Variants in CNKSR2 observed in about 807,000 individuals in gnomAD.
CNKSR2 encodes the protein CNK homolog protein 2.
In CNKSR2, 14 loss-of-function variants were observed where a neutral mutation model predicts 84.4. The observed-to-expected ratio is 0.17, with a 90% confidence interval of 0.11 to 0.26. CNKSR2 has a LOEUF of 0.26. Ranked by LOEUF, CNKSR2 falls within the 10% of genes least tolerant of loss-of-function variation. The pLI, the probability that CNKSR2 is intolerant of heterozygous loss-of-function variation, is 1.00. For synonymous variants in CNKSR2, 275 were observed against 277.9 expected (o/e 0.99, Z 0.10); for missense variants, 485 against 771.2 (o/e 0.63, Z 4.40).
intron 20 of CNKSR2, among the ~76,000 whole-genome samples, chrX:21,638,896 C>T (rs145979604): frequency 9.0e-6 from 1 of 111,492 alleles, no homozygotes; most frequent in Non-Finnish European, 1.9e-5. Context: ...TGCCCAGGCT[C>T]GTCTCAAACT....
chrX:21,439,283 A>T (rs930581818), intron 3 of CNKSR2, among the ~76,000 whole-genome samples: 1 of 111,554 alleles, frequency 9.0e-6, no homozygotes, highest in African/African-American at 3.2e-5. Context: ...GTCAAGTCTC[A>T]TGGAAAATAA....
chrX:21,515,394 C>T (rs991227777), intron 8 of CNKSR2, among the ~76,000 whole-genome samples: 1 of 110,844 alleles, frequency 9.0e-6, no homozygotes, highest in African/African-American at 3.3e-5. Flanking sequence ...AACTTGGATG[C>T]CTAGAAAGAA....
At chrX:21,545,694 C>G (rs1372767814) in intron 11 of CNKSR2, among the ~76,000 whole-genome samples, 2 of 111,917 alleles carry the variant, frequency 1.8e-5, no homozygotes, top group African/African-American at 3.3e-5. Context: ...TGGCAGGTGC[C>G]CCTCTGGGAT....
At chrX:21,580,514 A>G (rs1327718634) in intron 13 of CNKSR2, among the ~76,000 whole-genome samples, 1 of 112,186 alleles carries the variant, frequency 8.9e-6, no homozygotes, top group Non-Finnish European at 1.9e-5. Flanking sequence ...ACATTATATC[A>G]GAGAAATCAA....
chrX:21,411,323 G>A (rs769432667), intron 1 of CNKSR2, among the ~76,000 whole-genome samples: 1 of 111,434 alleles, frequency 9.0e-6, no homozygotes, highest in East Asian at 2.8e-4. Flanking sequence ...AGGAATTTTA[G>A]ATAGGCGTAG....
At chrX:21,570,528 T>A (rs1231196191) in intron 13 of CNKSR2, among the ~76,000 whole-genome samples, 1 of 111,840 alleles carries the variant, frequency 8.9e-6, no homozygotes, top group African/African-American at 3.3e-5. Flanking sequence ...CTATCAGCAA[T>A]AAGGCTGTTT....
In CNKSR2 at chrX:21,532,052, A is replaced by G. The variant is rs1394159764; in HGVS notation, c.1288A>G (p.Ser430Gly). 4.2e-6 allele frequency: 5 copies of G among 1,186,695 alleles called. No homozygotes were observed. ...ATCAAGTAGTCAAGGAAGACGAGAA[A>G]GCACCCCAACTTATGGTAAGAGTTC... ...GRSSSQGRRE[S>G]TPTYGKLRPI... The change falls in exon 11 of 22, where the codon AGC (serine) becomes GGC (glycine). Residue 430 changes from serine (S) to glycine (G), a missense_variant. Coordinates refer to ENST00000379510, the MANE Select transcript of CNKSR2 (RefSeq NM_014927.5).
chrX:21,432,338 A>G (rs2090644532), intron 2 of CNKSR2, among the ~76,000 whole-genome samples: 2 of 111,697 alleles, frequency 1.8e-5, no homozygotes, highest in Admixed American at 1.9e-4. Flanking sequence ...ATTTCTTACA[A>G]TCTTGCTTTC....
intron 11 of CNKSR2, among the ~76,000 whole-genome samples, chrX:21,537,250 A>G (rs371077184): frequency 2.7e-4 from 30 of 111,698 alleles, no homozygotes; most frequent in East Asian, 2.0e-3. Flanking sequence ...TAGAATTTCA[A>G]TTTTTAAAAT....
intron 5 of CNKSR2, among the ~76,000 whole-genome samples, chrX:21,489,142 A>G (rs1220118048): frequency 9.0e-6 from 1 of 111,580 alleles, no homozygotes; most frequent in Non-Finnish European, 1.9e-5. Flanking sequence ...ACAGGACTGA[A>G]GCAGTGTACA....
intron 1 of CNKSR2, among the ~76,000 whole-genome samples, chrX:21,394,598 A>C (rs1441025990): frequency 9.0e-6 from 1 of 111,634 alleles, no homozygotes; most frequent in Non-Finnish European, 1.9e-5. Context: ...TGATGGGTCC[A>C]CCAAACCTGG....
chrX:21,411,847 T>G (rs781675092), intron 1 of CNKSR2, among the ~76,000 whole-genome samples: 59 of 111,544 alleles, frequency 5.3e-4, no homozygotes, highest in African/African-American at 1.8e-3. Context: ...AATAAACTAT[T>G]ACCTCAGTGA....
At chrX:21,550,461 T>C (rs1187513630) in intron 11 of CNKSR2, among the ~76,000 whole-genome samples, 3 of 112,345 alleles carry the variant, frequency 2.7e-5, no homozygotes, top group South Asian at 7.4e-4. Flanking sequence ...ACTTTGACAC[T>C]GTTGGTGGGC....
intron 2 of CNKSR2, among the ~76,000 whole-genome samples, chrX:21,431,973 C>T (rs1377979775): frequency 9.0e-6 from 1 of 111,428 alleles, no homozygotes; most frequent in East Asian, 2.8e-4. Flanking sequence ...AGGACAAAAA[C>T]AAAAATAATT....
chrX:21,606,908 C>T, intron 19 of CNKSR2, 29 bp downstream of exon 19: 1 of 799,971 alleles, frequency 1.3e-6, no homozygotes, highest in Middle Eastern at 2.9e-4. Context: ...CATTACTTAT[C>T]ACCAGATTCT....
chrX:21,440,897 A>T (rs1374642907), intron 4 of CNKSR2, 116 bp downstream of exon 4: 1 of 405,779 alleles, frequency 2.5e-6, no homozygotes, highest in Admixed American at 4.8e-5. Flanking sequence ...TTTCTCAAAG[A>T]CAAACCATTC....
At chrX:21,487,219 G>C (rs1238245270) in intron 5 of CNKSR2, among the ~76,000 whole-genome samples, 1 of 111,681 alleles carries the variant, frequency 9.0e-6, no homozygotes, top group Non-Finnish European at 1.9e-5. Context: ...AGGAATCTGA[G>C]AAGACGTTTT....
chrX:21,382,897 G>A (rs1018794199), intron 1 of CNKSR2, among the ~76,000 whole-genome samples: 43 of 111,784 alleles, frequency 3.8e-4, no homozygotes, highest in African/African-American at 1.4e-3. Context: ...AAGAACATAC[G>A]TACAGAATTA....
chrX:21,459,528 G>A (rs990481163), intron 4 of CNKSR2, among the ~76,000 whole-genome samples: 1 of 109,852 alleles, frequency 9.1e-6, no homozygotes, highest in Non-Finnish European at 1.9e-5. Flanking sequence ...TGCTTGGTGT[G>A]TATATAGTAC....
Sources: gnomAD v4.1 joint callset for allele counts (sites outside exome capture counted in the v4.1 genomes callset) on GRCh38, gnomAD v4.1.1 for gene constraint, MANE v1.5 for transcripts, NCBI Gene and HGNC (gene_info 2026-07-23, HGNC 2026-07-21) for gene names.